Variants in FANCM observed in about 807,000 individuals in gnomAD.
FANCM encodes FA complementation group M, also known as Fanconi anemia group M protein.
FANCM carries 140 observed loss-of-function variants against 199.5 expected under a neutral mutation model. That is an observed-to-expected ratio of 0.70 (90% CI 0.61 to 0.81). FANCM has a LOEUF of 0.81. Ranked by LOEUF, FANCM falls within the 30% of genes least tolerant of loss-of-function variation. FANCM has a pLI of 0.00. For missense variants in FANCM, 2,410 were observed against 2,421.4 expected, an observed-to-expected ratio of 1.00 and a Z score of 0.10; for synonymous variants, 840 against 836.8, an observed-to-expected ratio of 1.00 and a Z score of -0.07.
chr14:45,141,287 C>CAAAAAAAA (rs534567010), intron 3 of FANCM, among the ~76,000 whole-genome samples: 1 of 45,042 alleles, frequency 2.2e-5, no homozygotes, highest in Non-Finnish European at 5.1e-5. Context: ...GGCTCCGTCT[C>CAAAAAAAA]AAAAAAAAAA....
chr14:45,186,636 A>G (rs1400429346), intron 18 of FANCM, among the ~76,000 whole-genome samples: 1 of 152,226 alleles, frequency 6.6e-6, no homozygotes, highest in African/African-American at 2.4e-5. Context: ...AATTTGCAGG[A>G]TAAGGTTTTA....
At position 45,154,810 on chromosome 14, in the gene FANCM, G is replaced by C. The variant is rs550111684; in HGVS notation, c.1297G>C (p.Ala433Pro). ...TAGTACTTCAGCAAATGGTATTTCT[G>C]CTATCCAACAAGGTCTGGTTTTTCT... ...TRSTSANGIS[A>P]IQQGDKNKKF... Residue 433 changes from alanine to proline, a missense_variant, in exon 7 of 23, where the codon GCT (alanine) becomes CCT (proline). Transcript: ENST00000267430. 6.2e-7 allele frequency: 1 copy of C among 1,607,950 alleles called. No homozygotes were observed. The highest frequency in any genetic ancestry group is 1.3e-5 in the African/African-American group (1 of 74,942).
intron 2 of FANCM, among the ~76,000 whole-genome samples, chr14:45,138,765 C>T (rs1885706518): frequency 6.6e-6 from 1 of 152,024 alleles, no homozygotes; most frequent in East Asian, 1.9e-4. Flanking sequence ...ATGAAACATG[C>T]ATTGACTTCA....
At chr14:45,189,430 T>C in intron 20 of FANCM, 68 bp downstream of exon 20, 5 of 1,280,010 alleles carry the variant, frequency 3.9e-6, no homozygotes, top group Non-Finnish European at 5.6e-6. Flanking sequence ...CTTTCTTGTG[T>C]GTGTGTTTTG....
chr14:45,175,699 T>C lies in FANCM; in HGVS notation c.2945T>C (p.Leu982Ser). ...TDDQFYNCHSLTKEVLANVER... is the reference protein window; with the variant it reads ...TDDQFYNCHSSTKEVLANVER... Reference sequence around the variant, plus strand: ...GACCAATTTTATAATTGTCACTCATTGACAAAAGAGGTACTAGCTAATGTA... The same window carrying C: ...GACCAATTTTATAATTGTCACTCATCGACAAAAGAGGTACTAGCTAATGTA... The change falls in exon 14 of 23, where the codon TTG becomes TCG. Residue 982 changes from leucine (L) to serine (S), a missense_variant. Leu to Ser is a moderately radical substitution (Grantham distance 145). Transcript: ENST00000267430. 1.9e-6 allele frequency: 3 copies of C among 1,613,850 alleles called. No individual in the cohort carries two copies. The highest frequency in any genetic ancestry group is 2.5e-6 in the Non-Finnish European group (3 of 1,179,846).
chr14:45,175,872 C>T lies in FANCM; in HGVS notation c.3118C>T (p.His1040Tyr). 2 of 1,613,910 alleles carry T rather than the reference C, an allele frequency of 1.2e-6. No individual in the cohort carries two copies. Among genetic ancestry groups the T allele is most frequent in the East Asian group, 2.2e-5 (1 of 44,870 alleles). The change falls in exon 14 of 23, where the codon CAT becomes TAT. Residue 1040 changes from histidine to tyrosine, a missense_variant. His to Tyr is a moderately conservative substitution (Grantham distance 83). Coordinates refer to ENST00000267430, the MANE Select transcript of FANCM (RefSeq NM_020937.4). ...TGATAAATGCACCTGTTTGCTGTCA[C>T]ATTCAGCTGTGAATTCTCAACAGAA... is the stretch of plus-strand genomic sequence containing the variant. ...RSDKCTCLLSHSAVNSQQNLE... is the reference protein window; with the variant it reads ...RSDKCTCLLSYSAVNSQQNLE...
At chr14:45,166,363 T>C (rs1204664473) in intron 10 of FANCM, among the ~76,000 whole-genome samples, 1 of 151,974 alleles carries the variant, frequency 6.6e-6, no homozygotes, top group African/African-American at 2.4e-5. Flanking sequence ...GATCTTGAAC[T>C]CCGGACCTCG....
intron 10 of FANCM, among the ~76,000 whole-genome samples, chr14:45,165,445 G>A (rs1407619738): frequency 6.6e-6 from 1 of 152,130 alleles, no homozygotes; most frequent in Non-Finnish European, 1.5e-5. Context: ...CTACTTGGGA[G>A]TCTGAGGCAG....
rs1317812500 is a variant in FANCM, at chr14:45,175,368, C to A, written c.2614C>A (p.His872Asn). Residue 872 changes from histidine to asparagine, a missense_variant, in exon 14 of 23, where the codon CAC becomes AAC. His to Asn is a moderately conservative substitution (Grantham distance 68). Coordinates refer to ENST00000267430, the MANE Select transcript of FANCM (RefSeq NM_020937.4). ...AGATCAGCTTAAAAAAGAAAATAAT[C>A]ACGGTATTATAGATTCTGTAGATAA... ...KKDQLKKENN[H>N]GIIDSVDNDR... 6 of 1,557,498 alleles carry A rather than the reference C, an allele frequency of 3.9e-6. No homozygotes were observed. The African/African-American group carries it at 6.9e-5, about 18-fold the overall frequency.
At chr14:45,162,255 G>A (rs1443592019) in intron 9 of FANCM, among the ~76,000 whole-genome samples, 2 of 152,014 alleles carry the variant, frequency 1.3e-5, no homozygotes, top group Admixed American at 6.6e-5. Flanking sequence ...GCATGGTGGC[G>A]GATGCCTATA....
intron 2 of FANCM, among the ~76,000 whole-genome samples, chr14:45,140,423 G>T (rs1156896814): frequency 2.0e-5 from 3 of 152,188 alleles, no homozygotes; most frequent in South Asian, 4.1e-4. Flanking sequence ...TTCTGTAGAA[G>T]AAGCCCTACT....
rs762570903 is a variant in FANCM at position 45,173,084 on chromosome 14, ACT to A, written c.2201_2202del (p.Ser734Ter). 51 of 1,607,064 alleles carry A rather than the reference ACT, an allele frequency of 3.2e-5. No individual in the cohort carries two copies. Among genetic ancestry groups the A allele is most frequent in the Non-Finnish European group, 3.9e-5 (46 of 1,174,066 alleles). On this transcript the variant is annotated frameshift_variant, in exon 13 of 23. Transcript: ENST00000267430. LOFTEE classifies it high-confidence loss of function. ...AAGAATCAACCACTGGAATTCATCA[ACT>A]CTCTCTCTCTGAATGGAGACTGTGG... ...AQESTTGIHQ[L>X]SLSEWRLWQD...
chr14:45,168,212 T>A (rs1175457814), intron 11 of FANCM, among the ~76,000 whole-genome samples: 2 of 152,182 alleles, frequency 1.3e-5, no homozygotes, highest in African/African-American at 4.8e-5. Flanking sequence ...GTTCTTTCCC[T>A]TAACTCAGAG....
chr14:45,181,717 C>A lies in FANCM; in HGVS notation c.4386+12C>A. 6.4e-7 allele frequency: 1 copy of A among 1,553,432 alleles called. No individual in the cohort carries two copies. The highest frequency in any genetic ancestry group is 8.9e-7 in the Non-Finnish European group (1 of 1,126,766). ...TTCCTATAAACAGAGTAAGTAAATACCAGGTAATGTATAGTAATCCAAATT... is the reference window on the plus strand; with the variant it reads ...TTCCTATAAACAGAGTAAGTAAATAACAGGTAATGTATAGTAATCCAAATT... On this transcript the variant is annotated intron_variant, in intron 16 of 22. Transcript: ENST00000267430.
At chr14:45,154,936 A>T in intron 7 of FANCM, 114 bp downstream of exon 7, 1 of 762,104 alleles carries the variant, frequency 1.3e-6, no homozygotes, top group Non-Finnish European at 2.2e-6. Context: ...TTGTAGCAAC[A>T]GATCTGTTAA....
In FANCM at chr14:45,151,383, T is replaced by C. The variant is rs755290408; in HGVS notation, c.919-14T>C. 6.2e-7 allele frequency: 1 copy of C among 1,612,970 alleles called. No homozygotes were observed. The highest frequency in any genetic ancestry group is 1.1e-5 in the South Asian group (1 of 91,062). On this transcript the variant is annotated splice_polypyrimidine_tract_variant and intron_variant, in intron 4 of 22. Transcript: ENST00000267430. ...TTAGAGCAAGCTTAAACTAGATTGC[T>C]TTTAAATTTGCAGATTTTGGAATCA...
chr14:45,164,736 G>A (rs540106402), intron 10 of FANCM, among the ~76,000 whole-genome samples, 171 bp downstream of exon 10: 12 of 152,176 alleles, frequency 7.9e-5, no homozygotes, highest in East Asian at 7.7e-4. Flanking sequence ...ATTTTTGACT[G>A]GAGTCAGTTT....
At position 45,153,016 on chromosome 14, in the gene FANCM, G is replaced by A. The variant is rs1886933542; in HGVS notation, c.1051-904G>A. ...GGGTACCATTTTAGGGCATTTGTTAGTATCCTGGAATATTTAAAATCACTA... is the reference window on the plus strand; with the variant it reads ...GGGTACCATTTTAGGGCATTTGTTAATATCCTGGAATATTTAAAATCACTA... On this transcript the variant is annotated intron_variant, in intron 5 of 22. Transcript: ENST00000267430. Among the ~76,000 whole-genome samples the A allele has an allele frequency of 2.0e-5, 3 of 152,146 alleles. No homozygotes were observed. In the South Asian group the frequency reaches 6.2e-4, roughly 32 times the overall value.
intron 21 of FANCM, 108 bp from the exon 22 acceptor site, chr14:45,198,536 G>C: frequency 1.5e-6 from 1 of 671,100 alleles, no homozygotes; most frequent in Non-Finnish European, 2.4e-6. Flanking sequence ...TGTGGCACCA[G>C]TTTGCTCAAT....
Sources: allele counts gnomAD v4.1 joint callset (sites outside exome capture counted in the v4.1 genomes callset), GRCh38; gene constraint gnomAD v4.1.1; transcripts MANE v1.5; gene names NCBI Gene and HGNC (gene_info 2026-07-23, HGNC 2026-07-21).